Variants in NOSTRIN observed in about 807,000 individuals in gnomAD.
The protein encoded by NOSTRIN is nitric oxide synthase trafficking, also known as BM247 homolog.
Under a neutral mutation model 59.0 loss-of-function variants are expected in NOSTRIN, and 63 were observed. The ratio of observed to expected loss-of-function variants is 1.07; its 90% CI spans 0.87 to 1.32. NOSTRIN has a LOEUF of 1.32. NOSTRIN is among the 40% of genes most tolerant of loss of function. The pLI is 0.00. For synonymous variants in NOSTRIN, 200 were observed against 165.4 expected (o/e 1.21, Z -1.61); for missense variants, 512 against 473.1 (o/e 1.08, Z -0.76).
chr2:168,804,755 C>T (rs540516629), intron 1 of NOSTRIN, among the ~76,000 whole-genome samples: 3 of 152,152 alleles, frequency 2.0e-5, no homozygotes, highest in African/African-American at 7.2e-5. Flanking sequence ...GTTGCATGAA[C>T]TTCAGTGAAA....
At chr2:168,830,668 T>C (rs1687310462) in intron 5 of NOSTRIN, among the ~76,000 whole-genome samples, 1 of 152,256 alleles carries the variant, frequency 6.6e-6, no homozygotes, top group African/African-American at 2.4e-5. Context: ...ACTGTCTCTT[T>C]GGCTGTTTAA....
At chr2:168,791,808 T>C (rs1168012866) in intron 2 of NOSTRIN, among the ~76,000 whole-genome samples, 1 of 152,250 alleles carries the variant, frequency 6.6e-6, no homozygotes, top group Non-Finnish European at 1.5e-5. Flanking sequence ...TCTGTTCATA[T>C]CCTTCACCCA....
chr2:168,839,913 A>G lies in NOSTRIN; in HGVS notation c.505-3079A>G, dbSNP rs1687968139. On this transcript the variant is annotated intron_variant, in intron 7 of 15. Transcript: ENST00000317647. ...AAAAAAAAAAAAAATATATATATAT[A>G]TATATATATGTGTGTGTGTGTGTGT... is the stretch of plus-strand genomic sequence containing the variant. 6.5e-5 allele frequency among the ~76,000 whole-genome samples: 4 copies of G among 61,088 alleles called. No individual in the cohort carries two copies. The South Asian group carries it at 2.6e-3, about 40-fold the overall frequency. The allele number at this position is 61,088 out of a possible 152,430, so 40.1% of individuals were successfully genotyped here. A position where few individuals can be genotyped will look rare whatever the true frequency, so the allele number is the denominator to read the frequency against.
At chr2:168,836,497 G>A (rs1024605076) in intron 7 of NOSTRIN, among the ~76,000 whole-genome samples, 9 of 152,098 alleles carry the variant, frequency 5.9e-5, no homozygotes, top group Admixed American at 2.6e-4. Context: ...ACACCCAAGC[G>A]GGGGGCATTC....
At chr2:168,823,456 G>C (rs1574280163) in intron 2 of NOSTRIN, among the ~76,000 whole-genome samples, 1 of 152,178 alleles carries the variant, frequency 6.6e-6, no homozygotes, top group African/African-American at 2.4e-5. Flanking sequence ...TTTGTTCTGT[G>C]CCTCTGTCCT....
At chr2:168,845,794 T>C (rs1055102424) in intron 8 of NOSTRIN, among the ~76,000 whole-genome samples, 3 of 151,082 alleles carry the variant, frequency 2.0e-5, no homozygotes, top group African/African-American at 7.3e-5. Flanking sequence ...TTCTTCCTTT[T>C]TTTTTTTTTT....
chr2:168,831,517 T>C lies in NOSTRIN; in HGVS notation c.388T>C (p.Trp130Arg), dbSNP rs771545498. ...GACAGCAAATCTTGTCATTAGCAAC[T>C]GGAATCAGCAAATTAAGGCAAGTAT... ...EKTANLVISN[W>R]NQQIKAKKKL... Residue 130 changes from tryptophan (W) to arginine (R), a missense_variant, in exon 6 of 16, where the codon TGG (tryptophan) becomes CGG (arginine). Physicochemically the swap from Trp to Arg is moderately radical, Grantham distance 101. Coordinates refer to ENST00000317647, the MANE Select transcript of NOSTRIN (RefSeq NM_001039724.4). The C allele has an allele frequency of 2.5e-5, 22 of 864,450 alleles. No homozygotes were observed. The highest frequency in any genetic ancestry group is 3.8e-5 in the Non-Finnish European group (19 of 494,772). 53.5% of individuals were successfully genotyped at this position (864,450 alleles called of 1,614,324 possible).
At chr2:168,788,796 G>A (rs1455102869) in intron 2 of NOSTRIN, among the ~76,000 whole-genome samples, 1 of 152,072 alleles carries the variant, frequency 6.6e-6, no homozygotes, top group Non-Finnish European at 1.5e-5. Context: ...ATCCATGTAT[G>A]GTTTTTAATA....
At chr2:168,850,330 G>A (rs1267378409) in intron 8 of NOSTRIN, among the ~76,000 whole-genome samples, 1 of 152,124 alleles carries the variant, frequency 6.6e-6, no homozygotes, top group African/African-American at 2.4e-5. Context: ...ACAAAATAAA[G>A]AGGCTATGTG....
At chr2:168,856,400 CTG>C in intron 11 of NOSTRIN, 1 of 351,564 alleles carries the variant, frequency 2.8e-6, no homozygotes, top group South Asian at 2.9e-5. Context: ...CATGATGAAA[CTG>C]TGTCTCTACT....
chr2:168,863,336 A>C, intron 15 of NOSTRIN: 5 of 884,268 alleles, frequency 5.7e-6, no homozygotes, highest in Non-Finnish European at 6.8e-6. Flanking sequence ...AAGAAAATGT[A>C]GAAAAGATAG....
At chr2:168,820,886 G>A (rs950030500) in intron 2 of NOSTRIN, among the ~76,000 whole-genome samples, 1 of 152,102 alleles carries the variant, frequency 6.6e-6, no homozygotes, top group African/African-American at 2.4e-5. Flanking sequence ...GAGACACCTT[G>A]TACAGTCTGC....
At position 168,791,242 on chromosome 2, in the gene NOSTRIN, G is replaced by A. The variant is rs534326156; in HGVS notation, c.-473+3194G>A. On this transcript the variant is annotated intron_variant, in intron 2 of 20. Coordinates refer to the NOSTRIN transcript ENST00000458381. ...CCACCTGTGAGTGAGAACATGCGGT[G>A]TTTGGTTTTTTGTCCTTGCAATAGT... Among the ~76,000 whole-genome samples, 62 of 152,244 alleles carry A rather than the reference G, an allele frequency of 4.1e-4. No individual in the cohort carries two copies. The South Asian group carries it at 0.012, about 29-fold the overall frequency.
chr2:168,862,158 C>G (rs1321343309), intron 15 of NOSTRIN, 109 bp downstream of exon 15: 4 of 888,612 alleles, frequency 4.5e-6, no homozygotes, highest in Non-Finnish European at 7.2e-6. Flanking sequence ...CATGTCAAAT[C>G]AGTTCACCCT....
At chr2:168,802,371 C>G (rs748943907), upstream of NOSTRIN, 79 of 408,404 alleles carry the variant, frequency 1.9e-4, no homozygotes, top group Non-Finnish European at 3.2e-4. Context: ...CTCAATGTTA[C>G]GCTGTTCAGG....
chr2:168,808,741 G>T (rs552814210), intron 1 of NOSTRIN, among the ~76,000 whole-genome samples: 2 of 152,072 alleles, frequency 1.3e-5, no homozygotes, highest in Non-Finnish European at 2.9e-5. Context: ...TATGTCCTTG[G>T]ATAGAAAGTC....
chr2:168,841,862 T>G (rs1034446537), intron 7 of NOSTRIN, among the ~76,000 whole-genome samples: 1 of 152,238 alleles, frequency 6.6e-6, no homozygotes, highest in Non-Finnish European at 1.5e-5. Context: ...TGCTTAGGTT[T>G]AACAAAATAC....
intron 1 of NOSTRIN, 112 bp downstream of exon 1, chr2:168,802,785 T>C: frequency 1.3e-6 from 1 of 791,360 alleles, no homozygotes; most frequent in East Asian, 2.6e-5. Context: ...ACCAAACACA[T>C]TTAGATATTG....
intron 2 of NOSTRIN, among the ~76,000 whole-genome samples, chr2:168,814,543 A>G (rs1297136540): frequency 3.3e-5 from 5 of 152,244 alleles, no homozygotes; most frequent in African/African-American, 1.2e-4. Flanking sequence ...AAAAGAAACT[A>G]TCTTGTTACT....
Sources: gnomAD v4.1 joint callset for allele counts (sites outside exome capture counted in the v4.1 genomes callset) on GRCh38, gnomAD v4.1.1 for gene constraint, MANE v1.5 for transcripts, NCBI Gene and HGNC (gene_info 2026-07-23, HGNC 2026-07-21) for gene names.